Variants in UNKL observed in about 807,000 individuals in gnomAD.
UNKL encodes putative E3 ubiquitin-protein ligase UNKL.
Under a neutral mutation model 78.0 loss-of-function variants are expected in UNKL, and 60 were observed. That is an observed-to-expected ratio of 0.77 (90% CI 0.63 to 0.95). UNKL has a LOEUF of 0.95. Among genes scored for constraint, UNKL ranks in the 40% least tolerant of loss-of-function variants. UNKL has a pLI of 0.00. For missense variants in UNKL, 1,159 were observed against 1,045.7 expected (o/e 1.11, Z -1.49); for synonymous variants, 608 against 474.8 (o/e 1.28, Z -3.65).
chr16:1,368,383 A>C (rs984138834), intron 12 of UNKL, among the ~76,000 whole-genome samples: 2 of 152,022 alleles, frequency 1.3e-5, no homozygotes, highest in African/African-American at 4.8e-5. Context: ...CGGGTGGATC[A>C]TGAGGTCAGG....
At chr16:1,412,763 C>T (rs542147952) in intron 2 of UNKL, among the ~76,000 whole-genome samples, 1 of 152,120 alleles carries the variant, frequency 6.6e-6, no homozygotes, top group East Asian at 1.9e-4. Flanking sequence ...CACTACAAAA[C>T]GCTTCAAAAC....
intron 10 of UNKL, chr16:1,383,546 C>T (rs1460718180): frequency 2.9e-6 from 1 of 339,376 alleles, no homozygotes; most frequent in Admixed American, 3.6e-5. Context: ...GGTCTAGTGT[C>T]CTGCCGATGT....
In UNKL at chr16:1,403,416, C is replaced by A; in HGVS notation, c.288-72G>T. On this transcript the variant is annotated intron_variant, in intron 2 of 14. Transcript: ENST00000389221. This position sits in a 1 kb window ranked among gnomAD's most constrained non-coding sequence, Gnocchi z 4.8. ...GGCAGCCCTAAGCTCCCTGGGTCCA[C>A]GCCCTGTCAGCACGTGGCAAGCAGT... 3 of 1,518,202 alleles carry A rather than the reference C, an allele frequency of 2.0e-6. No individual in the cohort carries two copies. In the South Asian group the frequency reaches 3.8e-5, roughly 19 times the overall value. 94.0% of individuals were successfully genotyped at this position (1,518,202 alleles called of 1,614,324 possible). A position where few individuals can be genotyped will look rare whatever the true frequency, so the allele number is the denominator to read the frequency against.
chr16:1,413,293 G>A (rs1421863479), intron 2 of UNKL, among the ~76,000 whole-genome samples: 2 of 142,202 alleles, frequency 1.4e-5, no homozygotes, highest in Non-Finnish European at 3.0e-5. Flanking sequence ...GTGGGGCCGG[G>A]TACGGTGGCT....
Position 1,366,148 on chromosome 16 carries a change from C to T in UNKL, c.*92G>A, listed in dbSNP as rs776738701. The stretch of plus-strand genomic sequence containing the variant: ...GGGCTCCCAGCCTCGGTCCTCACGT[C>T]GGTGGCACCAGAAGCGAGTGACGAC... On this transcript the variant is annotated 3_prime_UTR_variant, in exon 15 of 15. Transcript: ENST00000389221. 2.1e-5 allele frequency: 28 copies of T among 1,363,938 alleles called. No individual in the cohort carries two copies. The highest frequency in any genetic ancestry group is 1.2e-4 in the Admixed American group (4 of 34,088). The allele number at this position is 1,363,938 out of a possible 1,614,324, so 84.5% of individuals were successfully genotyped here. A position where few individuals can be genotyped will look rare whatever the true frequency, so the allele number is the denominator to read the frequency against.
chr16:1,389,608 A>G (rs1457041689), intron 9 of UNKL, among the ~76,000 whole-genome samples: 11 of 152,096 alleles, frequency 7.2e-5, no homozygotes, highest in Admixed American at 7.2e-4. Context: ...ACACAACAGC[A>G]ACAATGAAAT....
intron 3 of UNKL, among the ~76,000 whole-genome samples, chr16:1,402,515 A>T (rs981403374): frequency 6.6e-6 from 1 of 151,984 alleles, no homozygotes; most frequent in African/African-American, 2.4e-5. Flanking sequence ...ACAACAAAAT[A>T]ACCCAGGCAT....
chr16:1,399,292 C>A lies in UNKL; in HGVS notation c.734+82G>T. ...CACAAGGGCAGCCCTCCCATTAGAA[C>A]CCCGGGGTGGGCAACGCGAGCCACG... On this transcript the variant is annotated intron_variant, in intron 5 of 14. Coordinates refer to ENST00000389221, the MANE Select transcript of UNKL (RefSeq NM_001372107.1). This position sits in a 1 kb window ranked among gnomAD's most constrained non-coding sequence, Gnocchi z 5.8. 6.9e-7 allele frequency: 1 copy of A among 1,444,718 alleles called. No homozygotes were observed. Among genetic ancestry groups the A allele is most frequent in the Non-Finnish European group, 9.1e-7 (1 of 1,100,214 alleles). The allele number at this position is 1,444,718 out of a possible 1,614,324, so 89.5% of individuals were successfully genotyped here.
At chr16:1,412,705 C>A (rs181603294) in intron 2 of UNKL, among the ~76,000 whole-genome samples, 1 of 152,176 alleles carries the variant, frequency 6.6e-6, no homozygotes, top group Non-Finnish European at 1.5e-5. Flanking sequence ...CAGATATATT[C>A]TACAGCGTGA....
chr16:1,389,730 C>T (rs1399912040), intron 9 of UNKL, among the ~76,000 whole-genome samples: 5 of 152,190 alleles, frequency 3.3e-5, no homozygotes, highest in African/African-American at 1.2e-4. Flanking sequence ...CATCTGCACC[C>T]GGGGGGCCTC....
At chr16:1,413,398 G>T (rs1216751813) in intron 2 of UNKL, among the ~76,000 whole-genome samples, 2 of 151,938 alleles carry the variant, frequency 1.3e-5, no homozygotes, top group Admixed American at 1.3e-4. Context: ...GAGAAACCCT[G>T]TCTCTACTAA....
chr16:1,414,698 T>A lies in UNKL; in HGVS notation c.-7A>T. The A allele has an allele frequency of 8.8e-7, 1 of 1,133,986 alleles. No homozygotes were observed. The highest frequency in any genetic ancestry group is 1.7e-5 in the African/African-American group (1 of 59,298). The allele number at this position is 1,133,986 out of a possible 1,614,324, so 70.2% of individuals were successfully genotyped here. ...CTTTCGAAACCGACGGCATTTTCAG[T>A]CAAAACAATGCAGCGCGCATGCGCC... On this transcript the variant is annotated 5_prime_UTR_variant, in exon 1 of 15. Transcript: ENST00000389221.
chr16:1,396,918 C>A, intron 6 of UNKL: 2 of 504,420 alleles, frequency 4.0e-6, no homozygotes, highest in Non-Finnish European at 7.1e-6. Context: ...CATTTTCTCT[C>A]TGCTTTTTTC....
chr16:1,414,358 C>T (rs534079522), intron 1 of UNKL, among the ~76,000 whole-genome samples: 2 of 152,100 alleles, frequency 1.3e-5, no homozygotes, highest in Non-Finnish European at 2.9e-5. Context: ...CGAGCCCAGG[C>T]GCAACCCCCA....
chr16:1,414,169 T>A, intron 1 of UNKL, 114 bp from the exon 2 acceptor site: 1 of 1,081,536 alleles, frequency 9.2e-7, no homozygotes, highest in Non-Finnish European at 1.3e-6. Context: ...CGACCCGTAC[T>A]CACATTCCCG....
rs1444124503 is a variant in UNKL, at chr16:1,367,761, C to A, written c.1683G>T (p.Ser561=). ...PILSAGPPSS[S]SASPNGAELA... The stretch of plus-strand genomic sequence containing the variant: ...GCTCAGCTCCGTTTGGACTTGCACT[C>A]GAAGAGGATGGGGGGCCGGCACTCA... Residue 561 remains serine (S), a synonymous_variant, in exon 13 of 15, where the codon TCG becomes TCT. Transcript: ENST00000389221. 1 of 1,573,972 alleles carries A rather than the reference C, an allele frequency of 6.4e-7. No homozygotes were observed. Among genetic ancestry groups the A allele is most frequent in the South Asian group, 1.2e-5 (1 of 85,440 alleles).
In UNKL at chr16:1,387,820, C is replaced by G. The variant is rs1330557009; in HGVS notation, c.1087-2435G>C. ...CTCCCCCACCCCCGCCTCATCCCAT[C>G]TCTTGGCAGCCCACCCTGTGTCCCG... On this transcript the variant is annotated intron_variant, in intron 9 of 14. Transcript: ENST00000389221. This position sits in a 1 kb window ranked among gnomAD's most constrained non-coding sequence, Gnocchi z 4.1. 1.3e-5 allele frequency among the ~76,000 whole-genome samples: 2 copies of G among 150,892 alleles called. No homozygotes were observed. The highest frequency in any genetic ancestry group is 2.4e-5 in the African/African-American group (1 of 41,024).
At chr16:1,393,290 C>A (rs2037125602) in intron 7 of UNKL, among the ~76,000 whole-genome samples, 1 of 152,208 alleles carries the variant, frequency 6.6e-6, no homozygotes. Context: ...AACCTGGAAC[C>A]CAAATCCTAG....
intron 2 of UNKL, among the ~76,000 whole-genome samples, chr16:1,409,137 C>A (rs933695193): frequency 1.3e-5 from 2 of 152,144 alleles, no homozygotes; most frequent in Non-Finnish European, 2.9e-5. Flanking sequence ...TGGTCTCGAT[C>A]TCCCGACCTC....
Sources: gnomAD v4.1 joint callset for allele counts (sites outside exome capture counted in the v4.1 genomes callset) on GRCh38, gnomAD v4.1.1 for gene constraint, Gnocchi (gnomAD v3.1) non-coding constraint, MANE v1.5 for transcripts, NCBI Gene and HGNC (gene_info 2026-07-23, HGNC 2026-07-21) for gene names.